FMN1: variants seen among roughly 807,000 people sequenced by gnomAD.
FMN1 encodes the protein formin 1.
A neutral mutation model predicts 132.4 loss-of-function variants in FMN1; 110 were observed. The ratio of observed to expected loss-of-function variants is 0.83; its 90% confidence interval spans 0.71 to 0.97. The LOEUF (loss-of-function observed/expected upper bound fraction) is 0.97. FMN1 is among the 50% of genes least tolerant of loss of function. The pLI is 0.00. For synonymous variants in FMN1, 722 were observed against 651.7 expected, an observed-to-expected ratio of 1.11 and a Z score of -1.64; for missense variants, 1,792 against 1,705.3, an observed-to-expected ratio of 1.05 and a Z score of -0.90.
intron 4 of FMN1, among the ~76,000 whole-genome samples, chr15:33,141,434 G>A (rs2444967): frequency 0.36 from 55,326 of 151,934 alleles, 10,604 homozygotes; most frequent in East Asian, 0.66. Context: ...GAGCTGTTAT[G>A]GGTAACATAA....
chr15:33,012,838 G>T (rs2034808175), intron 6 of FMN1: 1 of 625,840 alleles, frequency 1.6e-6, no homozygotes, highest in Non-Finnish European at 3.0e-6. Flanking sequence ...TAGCAGTGGG[G>T]GTGGCTATAA....
chr15:33,129,886 A>G (rs1027547093), intron 4 of FMN1, among the ~76,000 whole-genome samples: 3 of 145,108 alleles, frequency 2.1e-5, no homozygotes, highest in African/African-American at 7.7e-5. Flanking sequence ...TCCACCTCCC[A>G]GGTTCAAGCC....
At chr15:32,832,223 T>C (rs2058519705) in intron 17 of FMN1, among the ~76,000 whole-genome samples, 2 of 152,196 alleles carry the variant, frequency 1.3e-5, no homozygotes, top group African/African-American at 4.8e-5. Context: ...GGAAGACATA[T>C]GAAAAAACAT....
At chr15:32,803,576 C>T (rs909832492) in intron 18 of FMN1, among the ~76,000 whole-genome samples, 1 of 152,172 alleles carries the variant, frequency 6.6e-6, no homozygotes, top group Non-Finnish European at 1.5e-5. Flanking sequence ...TGTCCATACG[C>T]TGTATGGGCA....
intron 4 of FMN1, among the ~76,000 whole-genome samples, chr15:33,115,518 A>G (rs900699736): frequency 7.7e-5 from 11 of 143,166 alleles, no homozygotes; most frequent in African/African-American, 2.6e-4. Flanking sequence ...ACACACGCAC[A>G]CACACAAACT....
chr15:32,883,204 C>T (rs1467948781), intron 16 of FMN1, among the ~76,000 whole-genome samples: 1 of 152,064 alleles, frequency 6.6e-6, no homozygotes, highest in Non-Finnish European at 1.5e-5. Context: ...GAAAACAAAA[C>T]TGATCAAGGG....
chr15:32,805,849 A>G (rs987064239), intron 17 of FMN1, among the ~76,000 whole-genome samples: 15 of 151,690 alleles, frequency 9.9e-5, no homozygotes, highest in Admixed American at 2.6e-4. Context: ...AGGGAAGCCC[A>G]TGGACTCTTG....
intron 17 of FMN1, among the ~76,000 whole-genome samples, chr15:32,805,991 T>C (rs190227546): frequency 3.6e-4 from 55 of 152,270 alleles, no homozygotes; most frequent in African/African-American, 1.2e-3. Context: ...GGTTCTTTTA[T>C]ATATCCTTCT....
intron 4 of FMN1, among the ~76,000 whole-genome samples, chr15:33,090,939 C>A (rs1339736551): frequency 6.6e-6 from 1 of 152,136 alleles, no homozygotes. Context: ...TTTCTATTCA[C>A]CTTTGGCATA....
chr15:32,886,896 G>A (rs1360966082), intron 16 of FMN1, among the ~76,000 whole-genome samples: 2 of 151,872 alleles, frequency 1.3e-5, no homozygotes, highest in African/African-American at 2.4e-5. Context: ...GGATACAACC[G>A]CCAATTCTTC....
intron 17 of FMN1, among the ~76,000 whole-genome samples, chr15:32,842,846 C>T (rs1410987337): frequency 7.0e-6 from 1 of 142,280 alleles, no homozygotes; most frequent in East Asian, 2.1e-4. Context: ...GGGGAGAGGG[C>T]CAGGCATGGT....
At chr15:32,785,354 G>A (rs186660395) in intron 19 of FMN1, among the ~76,000 whole-genome samples, 2 of 149,832 alleles carry the variant, frequency 1.3e-5, no homozygotes, top group Admixed American at 1.3e-4. Flanking sequence ...ATCAAGCCCA[G>A]ACAAAGGCTA....
At chr15:32,995,903 C>T (rs948959435) in intron 7 of FMN1, among the ~76,000 whole-genome samples, 2 of 152,170 alleles carry the variant, frequency 1.3e-5, no homozygotes, top group Non-Finnish European at 2.9e-5. Context: ...GAAATGAGCA[C>T]ATCATACTTT....
chr15:33,047,390 C>T (rs1366218330), intron 6 of FMN1, among the ~76,000 whole-genome samples: 1 of 152,072 alleles, frequency 6.6e-6, no homozygotes, highest in Non-Finnish European at 1.5e-5. Flanking sequence ...GAAATATTGG[C>T]CACTTTGTGT....
At chr15:33,006,335 C>T (rs551170193) in intron 7 of FMN1, among the ~76,000 whole-genome samples, 1 of 152,132 alleles carries the variant, frequency 6.6e-6, no homozygotes, top group Admixed American at 6.5e-5. Context: ...ACTAAAACCA[C>T]GATGAGATAT....
chr15:33,103,221 A>G (rs1320663488), intron 4 of FMN1, among the ~76,000 whole-genome samples: 1 of 152,074 alleles, frequency 6.6e-6, no homozygotes, highest in East Asian at 1.9e-4. Flanking sequence ...CTTACTATTG[A>G]GCTTAGCATA....
intron 6 of FMN1, among the ~76,000 whole-genome samples, chr15:33,060,646 A>G (rs536699087): frequency 6.6e-6 from 1 of 152,286 alleles, no homozygotes; most frequent in East Asian, 1.9e-4. Flanking sequence ...TACAAAAGCT[A>G]TGGTCCTCAC....
At chr15:33,075,037 A>G (rs376942155) in intron 5 of FMN1, among the ~76,000 whole-genome samples, 1 of 111,870 alleles carries the variant, frequency 8.9e-6, no homozygotes, top group Non-Finnish European at 2.2e-5. Flanking sequence ...AAAAAAAAAA[A>G]AAAAAAAAAA....
chr15:32,919,793 A>T (rs1014403894), intron 10 of FMN1, among the ~76,000 whole-genome samples: 3 of 152,218 alleles, frequency 2.0e-5, no homozygotes, highest in Non-Finnish European at 4.4e-5. Context: ...ATGCCTGGTC[A>T]AATTCATTAC....
Sources: allele counts gnomAD v4.1 joint callset (sites outside exome capture counted in the v4.1 genomes callset), GRCh38; gene constraint gnomAD v4.1.1; transcripts MANE v1.5; gene names NCBI Gene and HGNC (gene_info 2026-07-23, HGNC 2026-07-21).